TBC1D1: variants seen among roughly 807,000 people sequenced by gnomAD.
TBC1D1 encodes the protein TBC1 (tre-2/USP6, BUB2, cdc16) domain family, member 1.
TBC1D1 carries 89 observed loss-of-function variants against 125.6 expected under a neutral mutation model. The observed-to-expected ratio is 0.71, with a 90% CI of 0.60 to 0.85. The LOEUF (loss-of-function observed/expected upper bound fraction) is 0.85, where lower values mean the gene tolerates loss of function less well. Among genes scored for constraint, TBC1D1 ranks in the 40% least tolerant of loss-of-function variants. TBC1D1 has a pLI of 0.00. For synonymous variants in TBC1D1, 565 were observed against 564.1 expected, an observed-to-expected ratio of 1.00 and a Z score of -0.02; for missense variants, 1,377 against 1,469.2, an observed-to-expected ratio of 0.94 and a Z score of 1.03.
Position 38,014,789 on chromosome 4 carries a change from G to T in TBC1D1, c.698G>T (p.Arg233Leu), listed in dbSNP as rs368357722. 1.3e-6 allele frequency: 2 copies of T among 1,586,642 alleles called. No homozygotes were observed. Among genetic ancestry groups the T allele is most frequent in the Non-Finnish European group, 1.7e-6 (2 of 1,163,464 alleles). Residue 233 changes from arginine (R) to leucine (L), a missense_variant, in exon 3 of 20, where the codon CGC becomes CTC. Physicochemically the swap from Arg to Leu is moderately radical, Grantham distance 102 (BLOSUM62 -2). This residue lies in a region of TBC1D1 where 822 missense variants were observed against 824.6 expected (regional missense o/e 1.00). Transcript: ENST00000261439. The surrounding 1 kb of genome is among the most constrained non-coding windows in gnomAD (Gnocchi z 5.1). ...CAGGAGCCTGTGCGCAGGCCCATGC[G>T]CAAGTCCTTCTCCCAGCCCGGCCTG... is the stretch of plus-strand genomic sequence containing the variant.
intron 12 of TBC1D1, among the ~76,000 whole-genome samples, chr4:38,082,229 A>G (rs1390165154): frequency 1.3e-5 from 2 of 152,152 alleles, no homozygotes; most frequent in East Asian, 3.9e-4. Context: ...GGGGTGGCGA[A>G]GGTCGCCACT....
chr4:38,063,525 C>T (rs1369763992), intron 12 of TBC1D1, among the ~76,000 whole-genome samples: 1 of 152,176 alleles, frequency 6.6e-6, no homozygotes, highest in African/African-American at 2.4e-5. Flanking sequence ...AGATATAATT[C>T]ACATCCTATA....
In TBC1D1 at chr4:37,987,405, T is replaced by C. The variant is rs562033525; in HGVS notation, c.418-27104T>C. On this transcript the variant is annotated intron_variant, in intron 2 of 19. Transcript: ENST00000261439. ...CTTGTTTGGCTCTAAATTCATATTT[T>C]ATCTGTTGTACCTGCATTGTCTCTG... is the stretch of plus-strand genomic sequence containing the variant. Among the ~76,000 whole-genome samples the C allele has an allele frequency of 2.6e-5, 4 of 152,284 alleles. No homozygotes were observed. The East Asian group carries it at 7.7e-4, about 29-fold the overall frequency.
At chr4:38,083,934 C>CTTTTTTTT (rs61161366) in intron 12 of TBC1D1, among the ~76,000 whole-genome samples, 7 of 133,294 alleles carry the variant, frequency 5.3e-5, no homozygotes, top group African/African-American at 8.5e-5. Flanking sequence ...TGAATGTTGT[C>CTTTTTTTT]TTTTTTTTTT....
intron 2 of TBC1D1, among the ~76,000 whole-genome samples, chr4:37,966,419 G>C (rs976534641): frequency 2.0e-5 from 3 of 152,168 alleles, no homozygotes; most frequent in Non-Finnish European, 4.4e-5. Context: ...CTACTTAGAA[G>C]CGTTTAAAAA....
intron 2 of TBC1D1, among the ~76,000 whole-genome samples, chr4:37,967,363 C>A (rs6812398): frequency 0.011 from 1,622 of 151,966 alleles, 25 homozygotes; most frequent in African/African-American, 0.037. Context: ...GGCGCAGTGG[C>A]GTGTGCCTGT....
chr4:38,005,643 C>A (rs1431567610), intron 2 of TBC1D1, among the ~76,000 whole-genome samples: 1 of 152,208 alleles, frequency 6.6e-6, no homozygotes, highest in Non-Finnish European at 1.5e-5. Context: ...GGGAGGAAAG[C>A]TTTATCTTTT....
intron 12 of TBC1D1, among the ~76,000 whole-genome samples, chr4:38,088,622 A>G (rs1757931456): frequency 6.6e-6 from 1 of 152,144 alleles, no homozygotes; most frequent in Non-Finnish European, 1.5e-5. Flanking sequence ...TAGTAAAGAT[A>G]TGATAGCAAA....
At chr4:37,987,668 A>G (rs1735734379) in intron 2 of TBC1D1, among the ~76,000 whole-genome samples, 1 of 152,214 alleles carries the variant, frequency 6.6e-6, no homozygotes, top group South Asian at 2.1e-4. Flanking sequence ...AGGAAACAGG[A>G]AATAAGAGAA....
intron 2 of TBC1D1, among the ~76,000 whole-genome samples, chr4:37,928,728 G>C (rs1010041041): frequency 6.6e-6 from 1 of 152,236 alleles, no homozygotes; most frequent in African/African-American, 2.4e-5. Context: ...CTGCTCCTCA[G>C]TGGGTGGCCA....
chr4:38,037,245 A>T (rs1216322084), intron 8 of TBC1D1, among the ~76,000 whole-genome samples: 1 of 152,020 alleles, frequency 6.6e-6, no homozygotes. Context: ...TGATTTGGGC[A>T]TAGATCATCC....
chr4:37,998,160 C>T (rs1211008852), intron 2 of TBC1D1, among the ~76,000 whole-genome samples: 3 of 152,126 alleles, frequency 2.0e-5, no homozygotes, highest in African/African-American at 4.8e-5. Flanking sequence ...TAGGTGAGAT[C>T]GTCACTTCTC....
intron 2 of TBC1D1, among the ~76,000 whole-genome samples, chr4:37,925,052 T>C (rs1172697434): frequency 2.0e-5 from 3 of 152,238 alleles, no homozygotes; most frequent in Non-Finnish European, 4.4e-5. Context: ...TCCTGTGCTA[T>C]GCTCTTGCTG....
At chr4:38,108,434 C>T (rs1158662649) in intron 15 of TBC1D1, among the ~76,000 whole-genome samples, 1 of 152,208 alleles carries the variant, frequency 6.6e-6, no homozygotes, top group African/African-American at 2.4e-5. Context: ...TCTAATCTCC[C>T]CCACATCAAT....
At position 38,014,865 on chromosome 4, in the gene TBC1D1, C is replaced by T. The variant is rs753757072; in HGVS notation, c.774C>T (p.Ser258=). The change falls in exon 3 of 20, where the codon AGC becomes AGT. Residue 258 remains serine, a synonymous_variant. Coordinates refer to ENST00000261439, the MANE Select transcript of TBC1D1 (RefSeq NM_015173.4). This position sits in a 1 kb window ranked among gnomAD's most constrained non-coding sequence, Gnocchi z 5.1. ...TGCAGGATGGGGGCCTCCGAAGCAGCGGCTTCTTCAGCTCCTTCGAGGAGA... is the reference window on the plus strand; with the variant it reads ...TGCAGGATGGGGGCCTCCGAAGCAGTGGCTTCTTCAGCTCCTTCGAGGAGA... The T allele has an allele frequency of 1.9e-6, 3 of 1,611,358 alleles. No homozygotes were observed. The highest frequency in any genetic ancestry group is 2.5e-6 in the Non-Finnish European group (3 of 1,178,018).
intron 2 of TBC1D1, among the ~76,000 whole-genome samples, chr4:37,969,622 C>T (rs1283765059): frequency 6.6e-6 from 1 of 152,226 alleles, no homozygotes; most frequent in Non-Finnish European, 1.5e-5. Flanking sequence ...GCTGGGATTA[C>T]AGGCATGAGT....
intron 1 of TBC1D1, among the ~76,000 whole-genome samples, chr4:37,892,924 C>A (rs1163868762): frequency 6.6e-6 from 1 of 152,170 alleles, no homozygotes; most frequent in Non-Finnish European, 1.5e-5. Context: ...CAGCTTTGAC[C>A]AGGAAGGCTG....
chr4:38,044,353 C>T lies in TBC1D1; in HGVS notation c.1414-9C>T. On this transcript the variant is annotated splice_polypyrimidine_tract_variant and intron_variant, in intron 8 of 19. Coordinates refer to ENST00000261439, the MANE Select transcript of TBC1D1 (RefSeq NM_015173.4). ...GCGATAAATGACTTTTCGTTTTTCA[C>T]TTTTTTAGACATCGCAGATGGCAGC... is the stretch of plus-strand genomic sequence containing the variant. 1.3e-6 allele frequency: 2 copies of T among 1,590,466 alleles called. No homozygotes were observed. The highest frequency in any genetic ancestry group is 1.7e-6 in the Non-Finnish European group (2 of 1,173,634).
At chr4:38,066,771 A>G (rs1753801301) in intron 12 of TBC1D1, among the ~76,000 whole-genome samples, 1 of 152,004 alleles carries the variant, frequency 6.6e-6, no homozygotes, top group Non-Finnish European at 1.5e-5. Context: ...ATCCTGAGAT[A>G]AAGCCAAAGG....
Sources: allele counts gnomAD v4.1 joint callset (sites outside exome capture counted in the v4.1 genomes callset), GRCh38; gene constraint gnomAD v4.1.1; regional missense constraint gnomAD v4.1.1; non-coding constraint Gnocchi (gnomAD v3.1); transcripts MANE v1.5; gene names NCBI Gene and HGNC (gene_info 2026-07-23, HGNC 2026-07-21).